The following GALNT7 variants were observed in gnomAD, a reference collection of about 807,000 sequenced individuals.
GALNT7 encodes polypeptide N-acetylgalactosaminyltransferase 7, also known as N-acetylgalactosaminyltransferase 7.
In GALNT7, 60 loss-of-function variants were observed where a neutral mutation model predicts 82.1. The observed-to-expected ratio is 0.73, with a 90% CI of 0.59 to 0.91. The LOEUF (loss-of-function observed/expected upper bound fraction) is 0.91, where lower values mean the gene tolerates loss of function less well. Ranked by LOEUF, GALNT7 falls within the 40% of genes least tolerant of loss-of-function variation. The probability of loss-of-function intolerance (pLI) is 0.00; values close to 1 mark genes in which losing one functional copy is unlikely to be tolerated. For synonymous variants in GALNT7, 243 were observed against 275.1 expected, an observed-to-expected ratio of 0.88 and a Z score of 1.15; for missense variants, 660 against 804.2, an observed-to-expected ratio of 0.82 and a Z score of 2.17.
intron 2 of GALNT7, among the ~76,000 whole-genome samples, chr4:173,253,309 A>G (rs946413042): frequency 4.6e-5 from 7 of 152,202 alleles, no homozygotes; most frequent in African/African-American, 1.4e-4. Flanking sequence ...GTAGTAGAAG[A>G]CATGAGCATG....
rs1031008874 is a variant in GALNT7 at position 173,301,971 on chromosome 4, C to G, written c.1149-76C>G. The stretch of plus-strand genomic sequence containing the variant: ...CTATGCATTTTCAGGCTGTATTCTA[C>G]AAGGCTTCTTGCCTATTGGTGAAGG... On this transcript the variant is annotated intron_variant, in intron 6 of 11. Coordinates refer to ENST00000265000, the MANE Select transcript of GALNT7 (RefSeq NM_017423.3). The G allele has an allele frequency of 5.7e-5, 42 of 733,914 alleles. 1 individual carries two copies. Among genetic ancestry groups the G allele is most frequent in the Non-Finnish European group, 9.8e-5 (40 of 408,304 alleles). The allele number at this position is 733,914 out of a possible 1,614,324, so 45.5% of individuals were successfully genotyped here.
chr4:173,180,383 A>T (rs1201872917), intron 1 of GALNT7, among the ~76,000 whole-genome samples: 2 of 140,360 alleles, frequency 1.4e-5, no homozygotes, highest in Non-Finnish European at 3.0e-5. Context: ...GCCGGAGTGC[A>T]ATGGCACAAT....
At chr4:173,266,868 GGTGTGTGT>G (rs71596614) in intron 2 of GALNT7, among the ~76,000 whole-genome samples, 3,607 of 95,092 alleles carry the variant, frequency 0.038, 84 homozygotes, top group East Asian at 0.054. Context: ...GGCTGGGAAG[GGTGTGTGT>G]GTGTGTGTGT....
chr4:173,287,878 G>T (rs2126820740), intron 2 of GALNT7, among the ~76,000 whole-genome samples: 1 of 152,266 alleles, frequency 6.6e-6, no homozygotes, highest in South Asian at 2.1e-4. Flanking sequence ...CCTTGCTATG[G>T]CCCTAGTGAA....
intron 8 of GALNT7, among the ~76,000 whole-genome samples, chr4:173,305,547 G>T (rs756518005): frequency 1.3e-5 from 2 of 152,106 alleles, no homozygotes; most frequent in African/African-American, 4.8e-5. Flanking sequence ...AGGACTTCAC[G>T]TAAGTTTTTA....
In GALNT7 at chr4:173,292,406, G is replaced by A. The variant is rs1736577963; in HGVS notation, c.754+132G>A. 1.7e-6 allele frequency: 1 copy of A among 588,460 alleles called. No individual in the cohort carries two copies. The highest frequency in any genetic ancestry group is 3.0e-6 in the Non-Finnish European group (1 of 334,392). 36.5% of individuals were successfully genotyped at this position (588,460 alleles called of 1,614,324 possible). A position where few individuals can be genotyped will look rare whatever the true frequency, so the allele number is the denominator to read the frequency against. On this transcript the variant is annotated intron_variant, in intron 3 of 11. Coordinates refer to ENST00000265000, the MANE Select transcript of GALNT7 (RefSeq NM_017423.3). The surrounding 1 kb of genome is among the most constrained non-coding windows in gnomAD (Gnocchi z 4.8). ...TGATAGCATCTGTTATCAACAAGTT[G>A]ACACTGTGCCAAGCATTGTATGTGA...
intron 1 of GALNT7, among the ~76,000 whole-genome samples, chr4:173,246,616 CTT>C (rs1734644235): frequency 6.6e-6 from 1 of 152,150 alleles, no homozygotes; most frequent in Non-Finnish European, 1.5e-5. Context: ...AAAATCAAGA[CTT>C]AGCGATCCCT....
At chr4:173,172,047 A>G (rs1219706380) in intron 1 of GALNT7, among the ~76,000 whole-genome samples, 1 of 152,252 alleles carries the variant, frequency 6.6e-6, no homozygotes, top group East Asian at 1.9e-4. Flanking sequence ...AGGCAGAGTG[A>G]GAGACCGAGG....
intron 2 of GALNT7, among the ~76,000 whole-genome samples, chr4:173,272,663 A>G (rs1255813026): frequency 6.6e-6 from 1 of 152,236 alleles, no homozygotes; most frequent in African/African-American, 2.4e-5. Context: ...AGACTACCGC[A>G]ATAATTTTTT....
At chr4:173,265,781 CT>C (rs963107428) in intron 2 of GALNT7, among the ~76,000 whole-genome samples, 2 of 150,972 alleles carry the variant, frequency 1.3e-5, no homozygotes, top group African/African-American at 4.9e-5. Context: ...TTTTTCATTT[CT>C]TTTTTCTGAG....
intron 1 of GALNT7, among the ~76,000 whole-genome samples, chr4:173,187,356 G>A (rs1419664699): frequency 6.7e-6 from 1 of 149,468 alleles, no homozygotes; most frequent in African/African-American, 2.5e-5. Flanking sequence ...TTTTAGTATT[G>A]AGATGGTTTG....
chr4:173,288,305 A>G (rs994013994), intron 2 of GALNT7, among the ~76,000 whole-genome samples: 6 of 139,366 alleles, frequency 4.3e-5, no homozygotes, highest in Admixed American at 7.2e-5. Context: ...AAAAAAAAAA[A>G]GAAAAGAACA....
Position 173,292,758 on chromosome 4 carries a change from T to G in GALNT7, c.754+484T>G, listed in dbSNP as rs895956368. Among the ~76,000 whole-genome samples, 4 of 152,188 alleles carry G rather than the reference T, an allele frequency of 2.6e-5. No individual in the cohort carries two copies. Among genetic ancestry groups the G allele is most frequent in the Admixed American group, 6.5e-5 (1 of 15,280 alleles). The stretch of plus-strand genomic sequence containing the variant: ...ACGAATAAATAGAAATATGGCCTAT[T>G]TTTCCTTTCATCTCTGTGCAGCTGA... On this transcript the variant is annotated intron_variant, in intron 3 of 11. Transcript: ENST00000265000. The surrounding 1 kb of genome is among the most constrained non-coding windows in gnomAD (Gnocchi z 4.8).
At chr4:173,303,100 C>T (rs976628023) in intron 7 of GALNT7, among the ~76,000 whole-genome samples, 2 of 151,666 alleles carry the variant, frequency 1.3e-5, no homozygotes, top group Middle Eastern at 3.2e-3. Context: ...GAGGCTGAGG[C>T]AGGGGAATTG....
intron 1 of GALNT7, among the ~76,000 whole-genome samples, chr4:173,197,945 A>G (rs1732826344): frequency 6.6e-6 from 1 of 152,204 alleles, no homozygotes; most frequent in East Asian, 1.9e-4. Flanking sequence ...CCCCTCTCCC[A>G]GGGCTGCCAT....
At chr4:173,306,755 G>C (rs1353511364) in intron 8 of GALNT7, among the ~76,000 whole-genome samples, 1 of 152,164 alleles carries the variant, frequency 6.6e-6, no homozygotes, top group African/African-American at 2.4e-5. Context: ...TTGATTGAAG[G>C]TAACTGAGCT....
intron 6 of GALNT7, among the ~76,000 whole-genome samples, chr4:173,299,220 T>A (rs1382252909): frequency 6.6e-6 from 1 of 152,178 alleles, no homozygotes; most frequent in Non-Finnish European, 1.5e-5. Context: ...GATATCAAGA[T>A]ACTGAATGGC....
intron 1 of GALNT7, among the ~76,000 whole-genome samples, chr4:173,224,890 C>G (rs1579928384): frequency 6.6e-6 from 1 of 151,694 alleles, no homozygotes; most frequent in African/African-American, 2.4e-5. Context: ...TGGCGCGCGC[C>G]TGTAGTCCCA....
chr4:173,213,719 T>C (rs1733354014), intron 1 of GALNT7, among the ~76,000 whole-genome samples: 1 of 152,208 alleles, frequency 6.6e-6, no homozygotes, highest in Admixed American at 6.5e-5. Flanking sequence ...AAATTCACTC[T>C]TATGAAATTA....
Sources: gnomAD v4.1 joint callset for allele counts (sites outside exome capture counted in the v4.1 genomes callset) on GRCh38, gnomAD v4.1.1 for gene constraint, Gnocchi (gnomAD v3.1) non-coding constraint, MANE v1.5 for transcripts, NCBI Gene and HGNC (gene_info 2026-07-23, HGNC 2026-07-21) for gene names.